Variants in NAV2 observed in about 807,000 individuals in gnomAD.
The protein encoded by NAV2 is neuron navigator 2.
NAV2 carries 54 observed loss-of-function variants against 223.2 expected under a neutral mutation model. The ratio of observed to expected loss-of-function variants is 0.24; its 90% CI spans 0.19 to 0.30. The LOEUF (loss-of-function observed/expected upper bound fraction) is 0.30, where lower values mean the gene tolerates loss of function less well. Ranked by LOEUF, NAV2 falls within the 10% of genes least tolerant of loss-of-function variation. NAV2 has a pLI of 1.00. For missense variants in NAV2, 2,806 were observed against 3,147.5 expected, an observed-to-expected ratio of 0.89 and a Z score of 2.60; for synonymous variants, 1,279 against 1,239.3, an observed-to-expected ratio of 1.03 and a Z score of -0.67.
At chr11:19,481,067 G>A (rs1422370135) in intron 1 of NAV2, among the ~76,000 whole-genome samples, 2 of 152,136 alleles carry the variant, frequency 1.3e-5, no homozygotes, top group East Asian at 1.9e-4. Flanking sequence ...CTGCTTGGTA[G>A]GTTTTAGGGG....
intron 24 of NAV2, among the ~76,000 whole-genome samples, chr11:20,079,715 G>T (rs2059970804): frequency 6.6e-6 from 1 of 152,150 alleles, no homozygotes; most frequent in African/African-American, 2.4e-5. Flanking sequence ...AGCCCAGAGA[G>T]CAGGAGAGGG....
At chr11:19,613,507 A>G (rs752323269) in intron 1 of NAV2, among the ~76,000 whole-genome samples, 23 of 152,142 alleles carry the variant, frequency 1.5e-4, no homozygotes, top group Non-Finnish European at 2.9e-4. Flanking sequence ...GTGGTTGAGG[A>G]AGCAGCCATC....
At chr11:19,879,848 A>C (rs2063091385) in intron 4 of NAV2, 21 bp from the exon 5 acceptor site, 1 of 1,613,866 alleles carries the variant, frequency 6.2e-7, no homozygotes, top group Non-Finnish European at 8.5e-7. Context: ...ATCTGACAAG[A>C]GTCTCTTTAT....
intron 1 of NAV2, among the ~76,000 whole-genome samples, chr11:19,513,241 A>C (rs1283995945): frequency 6.6e-6 from 1 of 152,194 alleles, no homozygotes; most frequent in Non-Finnish European, 1.5e-5. Context: ...CAGTTTTTGC[A>C]TTCAAAGGGG....
At position 20,068,386 on chromosome 11, in the gene NAV2, G is replaced by A; in HGVS notation, c.4971G>A (p.Gln1657=). Residue 1657 remains glutamine, a synonymous_variant, in exon 22 of 38, where the codon CAG becomes CAA. Coordinates refer to ENST00000349880, the MANE Select transcript of NAV2 (RefSeq NM_145117.5). The part of the protein sequence containing the change: ...SQEKVSALTT[Q]LTANAHLVAA... ...AGAAAGTTTCAGCTTTGACCACCCA[G>A]CTGACAGCAAATGTAAGTACAGACA... 4 of 1,613,910 alleles carry A rather than the reference G, an allele frequency of 2.5e-6. No individual in the cohort carries two copies. Among genetic ancestry groups the A allele is most frequent in the Non-Finnish European group, 3.4e-6 (4 of 1,179,788 alleles).
intron 11 of NAV2, chr11:20,023,085 C>G (rs200955221): frequency 6.4e-7 from 1 of 1,551,656 alleles, no homozygotes; most frequent in African/African-American, 1.4e-5. Context: ...CCGCTGTTCT[C>G]CAAGGGCCGC....
chr11:19,423,928 A>G (rs10766556), intron 1 of NAV2, among the ~76,000 whole-genome samples: 46,902 of 152,002 alleles, frequency 0.31, 7,780 homozygotes, highest in South Asian at 0.45. Flanking sequence ...TCGTAGAATA[A>G]TAGTATGAAA....
intron 1 of NAV2, among the ~76,000 whole-genome samples, chr11:19,410,380 A>T (rs1206934309): frequency 6.6e-6 from 1 of 152,186 alleles, no homozygotes; most frequent in African/African-American, 2.4e-5. Flanking sequence ...TATTCTAAGC[A>T]CTTTACAAAT....
At chr11:19,854,591 C>A (rs1226179545) in intron 3 of NAV2, among the ~76,000 whole-genome samples, 1 of 152,068 alleles carries the variant, frequency 6.6e-6, no homozygotes, top group East Asian at 1.9e-4. Flanking sequence ...TATACCTAAC[C>A]CGTTTTACTC....
At position 19,645,426 on chromosome 11, in the gene NAV2, C is replaced by T. The variant is rs551160464; in HGVS notation, c.76-187058C>T. Among the ~76,000 whole-genome samples the T allele has an allele frequency of 1.4e-4, 21 of 152,298 alleles. 1 individual carries two copies. In the South Asian group the frequency reaches 4.3e-3, roughly 32 times the overall value. Reference sequence around the variant, plus strand: ...AAGTCCTTTTTACCATGTCAGATAACATTTTCACAGATTTATGGGATTCAG... The same window carrying T: ...AAGTCCTTTTTACCATGTCAGATAATATTTTCACAGATTTATGGGATTCAG... On this transcript the variant is annotated intron_variant, in intron 1 of 37. Transcript: ENST00000360655.
At chr11:19,596,008 T>C (rs2046198282) in intron 1 of NAV2, among the ~76,000 whole-genome samples, 2 of 151,930 alleles carry the variant, frequency 1.3e-5, no homozygotes, top group Non-Finnish European at 1.5e-5. Context: ...CAGTGCACTC[T>C]GAAATTTTCT....
intron 1 of NAV2, among the ~76,000 whole-genome samples, chr11:19,482,602 A>C (rs2042313717): frequency 6.6e-6 from 1 of 152,158 alleles, no homozygotes; most frequent in Non-Finnish European, 1.5e-5. Context: ...TACTCTGACC[A>C]CACCAGCACC....
intron 19 of NAV2, among the ~76,000 whole-genome samples, chr11:20,057,932 G>A (rs796206971): frequency 4.6e-5 from 7 of 152,314 alleles, no homozygotes; most frequent in African/African-American, 1.4e-4. Flanking sequence ...ATGATTCATG[G>A]TGACATGGAA....
intron 1 of NAV2, among the ~76,000 whole-genome samples, chr11:19,744,300 A>T (rs2053142052): frequency 6.6e-6 from 1 of 152,150 alleles, no homozygotes; most frequent in Non-Finnish European, 1.5e-5. Flanking sequence ...AGAGTAGAGG[A>T]TGCCAATGGC....
chr11:19,706,544 C>T (rs962929625), intron 1 of NAV2, among the ~76,000 whole-genome samples: 24 of 152,086 alleles, frequency 1.6e-4, no homozygotes, highest in Admixed American at 1.4e-3. Context: ...TGTTTGGTTT[C>T]CCTACTAGAT....
chr11:20,070,662 T>C (rs2059344346), intron 22 of NAV2, among the ~76,000 whole-genome samples: 1 of 152,248 alleles, frequency 6.6e-6, no homozygotes, highest in Non-Finnish European at 1.5e-5. Context: ...GTGTTTGTTT[T>C]TCTAGGGCAA....
intron 2 of NAV2, among the ~76,000 whole-genome samples, chr11:19,837,516 A>G (rs890314135): frequency 2.6e-5 from 4 of 152,230 alleles, no homozygotes; most frequent in Non-Finnish European, 5.9e-5. Context: ...GGTGATCAAA[A>G]TTACATCACT....
intron 1 of NAV2, among the ~76,000 whole-genome samples, chr11:19,370,727 T>C (rs1848440197): frequency 6.6e-6 from 1 of 152,228 alleles, no homozygotes; most frequent in African/African-American, 2.4e-5. Flanking sequence ...ACATGGCGCC[T>C]GTGCTTGCAG....
intron 1 of NAV2, among the ~76,000 whole-genome samples, chr11:19,462,764 C>T (rs1189806079): frequency 6.6e-6 from 1 of 152,240 alleles, no homozygotes; most frequent in Non-Finnish European, 1.5e-5. Flanking sequence ...CCCAACCTCA[C>T]TCTGTCTACT....
Sources: gnomAD v4.1 joint callset for allele counts (sites outside exome capture counted in the v4.1 genomes callset) on GRCh38, gnomAD v4.1.1 for gene constraint, MANE v1.5 for transcripts, NCBI Gene and HGNC (gene_info 2026-07-23, HGNC 2026-07-21) for gene names.